Variants in NDUFA5 observed in about 807,000 individuals in gnomAD.
NDUFA5 encodes the protein NADH dehydrogenase [ubiquinone] 1 alpha subcomplex subunit 5.
Under a neutral mutation model 19.8 loss-of-function variants are expected in NDUFA5, and 11 were observed. The observed-to-expected ratio is 0.56, with a 90% CI of 0.35 to 0.92. The LOEUF is 0.92. Among genes scored for constraint, NDUFA5 ranks in the 40% least tolerant of loss-of-function variants. The pLI is 0.01. For missense variants in NDUFA5, 109 were observed against 134.2 expected (o/e 0.81, Z 0.93); for synonymous variants, 47 against 46.8 (o/e 1.00, Z -0.01).
At chr7:123,556,067 T>C (rs1033715191) in intron 2 of NDUFA5, 3 of 152,180 alleles carry the variant, frequency 2.0e-5, no homozygotes, top group African/African-American at 7.2e-5. Flanking sequence ...AAGATATATT[T>C]TGAAGGTGGA....
rs775866757 is a variant in NDUFA5, at chr7:123,557,421, A to C, written c.49T>G (p.Cys17Gly). 6.2e-6 allele frequency: 10 copies of C among 1,613,438 alleles called. No homozygotes were observed. Among genetic ancestry groups the C allele is most frequent in the Non-Finnish European group, 5.9e-6 (7 of 1,179,708 alleles). ...GTACATACCTCGTGAGGAGTATTGC[A>C]CACAGCCAATCCCACAAGGCCAGTG... is the stretch of plus-strand genomic sequence containing the variant. ...KTTGLVGLAV[C>G]NTPHERLRIL... The change falls in exon 2 of 5, where the codon TGC becomes GGC. Residue 17 changes from cysteine to glycine, a missense_variant. Transcript: ENST00000355749.
the NDUFA5 span, among the ~76,000 whole-genome samples, chr7:123,601,561 C>T: frequency 1.1e-3 from 168 of 152,232 alleles, 2 homozygotes; most frequent in Middle Eastern, 3.4e-3. Flanking sequence ...TTAAATTGTG[C>T]GTTAATTCCA....
At chr7:123,564,892 G>GACACACACACACACACAC in the NDUFA5 span, among the ~76,000 whole-genome samples, 41 of 147,680 alleles carry the variant, frequency 2.8e-4, no homozygotes, top group African/African-American at 9.8e-4. Flanking sequence ...GAAGCATCTG[G>GACACACACACACACACAC]ACACACACAC....
At chr7:123,544,764 TA>T (rs61556029) in intron 4 of NDUFA5, among the ~76,000 whole-genome samples, 2,414 of 61,682 alleles carry the variant, frequency 0.039, 65 homozygotes, top group African/African-American at 0.13. Flanking sequence ...ATGCAAATCT[TA>T]AAAAAAAAAA....
chr7:123,540,890 G>GCGCGCACACACACACACACA lies in NDUFA5; in HGVS notation c.*1228_*1229insTGTGTGTGTGTGTGTGCGCG, dbSNP rs766305834. 38 of 133,908 alleles carry GCGCGCACACACACACACACA rather than the reference G, an allele frequency of 2.8e-4. No homozygotes were observed. The highest frequency in any genetic ancestry group is 6.8e-4 in the African/African-American group (23 of 33,894). The allele number at this position is 133,908 out of a possible 1,614,324, so 8.3% of individuals were successfully genotyped here. A position where few individuals can be genotyped will look rare whatever the true frequency, so the allele number is the denominator to read the frequency against. On this transcript the variant is annotated 3_prime_UTR_variant, in exon 5 of 5. Coordinates refer to ENST00000355749, the MANE Select transcript of NDUFA5 (RefSeq NM_005000.5). ...TCTGAGCAAATGTGCGCATGCGCGTGCACACACACACACACACACACACAC... is the reference window on the plus strand; with the variant it reads ...TCTGAGCAAATGTGCGCATGCGCGTGCGCGCACACACACACACACACACACACACACACACACACACACAC...
chr7:123,585,346 CT>C, the NDUFA5 span, among the ~76,000 whole-genome samples: 2 of 151,742 alleles, frequency 1.3e-5, no homozygotes, highest in South Asian at 2.1e-4. Context: ...CTTCCTCCCC[CT>C]ATTCCCTAAA....
chr7:123,552,137 G>A (rs1345207673), intron 2 of NDUFA5, among the ~76,000 whole-genome samples: 1 of 150,620 alleles, frequency 6.6e-6, no homozygotes, highest in Non-Finnish European at 1.5e-5. Context: ...ATAATTACAA[G>A]TATACAAACC....
chr7:123,563,359 T>C, the NDUFA5 span, among the ~76,000 whole-genome samples: 1 of 152,162 alleles, frequency 6.6e-6, no homozygotes, highest in Admixed American at 6.6e-5. Context: ...TTCAACATTG[T>C]TGTATCTCAG....
At chr7:123,599,237 AAAC>A in the NDUFA5 span, among the ~76,000 whole-genome samples, 14 of 151,796 alleles carry the variant, frequency 9.2e-5, no homozygotes, top group African/African-American at 3.2e-4. Context: ...GATAACTTAA[AAAC>A]AACAACAAAA....
the NDUFA5 span, among the ~76,000 whole-genome samples, chr7:123,565,524 C>A: frequency 6.6e-6 from 1 of 152,036 alleles, no homozygotes; most frequent in African/African-American, 2.4e-5. Flanking sequence ...CTCTGGGGAA[C>A]CATAATACAA....
chr7:123,557,689 G>C (rs1412452923), intron 1 of NDUFA5, 86 bp downstream of exon 1: 1 of 1,614,058 alleles, frequency 6.2e-7, no homozygotes, highest in Non-Finnish European at 8.5e-7. Context: ...CGCGACAGTA[G>C]GGGTCAACAC....
the NDUFA5 span, among the ~76,000 whole-genome samples, chr7:123,565,481 C>T: frequency 6.6e-6 from 1 of 151,918 alleles, no homozygotes; most frequent in Admixed American, 6.6e-5. Flanking sequence ...CCCCAGATAA[C>T]ATATGTTTTT....
chr7:123,578,432 A>C, the NDUFA5 span, among the ~76,000 whole-genome samples: 5 of 151,788 alleles, frequency 3.3e-5, no homozygotes, highest in African/African-American at 1.2e-4. Context: ...GACTGTGAAC[A>C]TACCCCTCTT....
At chr7:123,595,063 TGCTGCACTAGCAGCAAGCAAG>T in the NDUFA5 span, among the ~76,000 whole-genome samples, 14 of 152,228 alleles carry the variant, frequency 9.2e-5, no homozygotes, top group African/African-American at 3.4e-4. Flanking sequence ...GATCTCAGAC[TGCTGCACTAGCAGCAAGCAAG>T]GCTCCGTGGA....
upstream of NDUFA5, among the ~76,000 whole-genome samples, chr7:123,562,209 G>C (rs1798698490): frequency 1.3e-5 from 2 of 151,782 alleles, no homozygotes; most frequent in Admixed American, 6.6e-5. Flanking sequence ...TTTTTTCTTA[G>C]CCCAGACTTT....
Position 123,540,889 on chromosome 7 carries a change from T to TGTGC in NDUFA5, c.*1229_*1230insGCAC, listed in dbSNP as rs1797910805. 9.1e-6 allele frequency: 1 copy of TGTGC among 110,348 alleles called. No homozygotes were observed. Among genetic ancestry groups the TGTGC allele is most frequent in the Admixed American group, 9.5e-5 (1 of 10,474 alleles). 6.8% of individuals were successfully genotyped at this position (110,348 alleles called of 1,614,324 possible). ...TTCTGAGCAAATGTGCGCATGCGCG[T>TGTGC]GCACACACACACACACACACACACA... On this transcript the variant is annotated 3_prime_UTR_variant, in exon 5 of 5. Coordinates refer to ENST00000355749, the MANE Select transcript of NDUFA5 (RefSeq NM_005000.5).
the NDUFA5 span, chr7:123,596,400 G>A: frequency 6.6e-6 from 1 of 152,032 alleles, no homozygotes; most frequent in Non-Finnish European, 1.5e-5. Context: ...GAACTCAGGA[G>A]TTTGAAACCA....
At position 123,541,984 on chromosome 7, in the gene NDUFA5, A is replaced by T; in HGVS notation, c.*135T>A. 2.0e-6 allele frequency: 1 copy of T among 510,036 alleles called. No individual in the cohort carries two copies. Among genetic ancestry groups the T allele is most frequent in the Non-Finnish European group, 3.2e-6 (1 of 311,078 alleles). The allele number at this position is 510,036 out of a possible 1,614,324, so 31.6% of individuals were successfully genotyped here. A position where few individuals can be genotyped will look rare whatever the true frequency, so the allele number is the denominator to read the frequency against. On this transcript the variant is annotated 3_prime_UTR_variant, in exon 5 of 5. Transcript: ENST00000355749. ...CATGACCATATTACCATAATCACCA[A>T]TTTTAACAGTCTCCTACATATTTTC...
At chr7:123,553,355 C>T (rs1291085388) in intron 2 of NDUFA5, among the ~76,000 whole-genome samples, 2 of 152,306 alleles carry the variant, frequency 1.3e-5, no homozygotes, top group East Asian at 1.9e-4. Context: ...GTGCAGGGGA[C>T]CTGCCCTTTA....
Sources: allele counts gnomAD v4.1 joint callset (sites outside exome capture counted in the v4.1 genomes callset), GRCh38; gene constraint gnomAD v4.1.1; transcripts MANE v1.5; gene names NCBI Gene and HGNC (gene_info 2026-07-23, HGNC 2026-07-21).